Variants in GET4 observed in about 807,000 individuals in gnomAD.
The protein encoded by GET4 is guided entry of tail-anchored proteins factor 4.
GET4 carries 20 observed loss-of-function variants against 40.0 expected under a neutral mutation model. That is an observed-to-expected ratio of 0.50 (90% CI 0.35 to 0.73). GET4 has a LOEUF of 0.73. GET4 is among the 30% of genes least tolerant of loss of function. The pLI is 0.01. For missense variants in GET4, 557 were observed against 454.0 expected (o/e 1.23, Z -2.06); for synonymous variants, 280 against 194.6 (o/e 1.44, Z -3.65).
Position 886,005 on chromosome 7 carries a change from C to T in GET4, c.156-51C>T, listed in dbSNP as rs553453455. 13 of 1,046,510 alleles carry T rather than the reference C, an allele frequency of 1.2e-5. 1 individual carries two copies. Among genetic ancestry groups the T allele is most frequent in the Middle Eastern group, 2.0e-4 (1 of 4,926 alleles). 64.8% of individuals were successfully genotyped at this position (1,046,510 alleles called of 1,614,324 possible). ...TCTGACCTGAAGATGAGCGGGGGAG[C>T]GCGGTGGCGAGGGCACGTGGGCGTG... On this transcript the variant is annotated intron_variant, in intron 1 of 8. Coordinates refer to ENST00000265857, the MANE Select transcript of GET4 (RefSeq NM_015949.3).
intron 6 of GET4, 50 bp downstream of exon 6, chr7:892,468 T>G: frequency 6.4e-7 from 1 of 1,566,814 alleles, no homozygotes; most frequent in Non-Finnish European, 8.7e-7. Context: ...GTGCGGGTTG[T>G]GTGTAGACGT....
At chr7:885,997 C>A in intron 1 of GET4, 59 bp from the exon 2 acceptor site, 1 of 995,302 alleles carries the variant, frequency 1.0e-6, no homozygotes, top group Non-Finnish European at 1.6e-6. Flanking sequence ...TGAAGATGAG[C>A]GGGGGAGCGC....
intron 8 of GET4, among the ~76,000 whole-genome samples, chr7:894,486 C>T (rs1248378161): frequency 2.0e-5 from 3 of 152,080 alleles, no homozygotes; most frequent in South Asian, 2.1e-4. Context: ...AGGTGGTGAC[C>T]TCTCCCCACA....
chr7:895,134 G>A (rs911582772), intron 8 of GET4, among the ~76,000 whole-genome samples, 200 bp from the exon 9 acceptor site: 3 of 151,562 alleles, frequency 2.0e-5, no homozygotes, highest in African/African-American at 7.3e-5. Context: ...CTCCATGTTT[G>A]AGTATCTCTG....
At chr7:877,135 C>A (rs1843973073) in intron 1 of GET4, among the ~76,000 whole-genome samples, 1 of 151,678 alleles carries the variant, frequency 6.6e-6, no homozygotes, top group African/African-American at 2.4e-5. Flanking sequence ...GTCTCCTCGG[C>A]CGCCTCCCGC....
At chr7:881,475 G>C (rs954160319) in intron 1 of GET4, 3 of 152,148 alleles carry the variant, frequency 2.0e-5, no homozygotes, top group African/African-American at 7.2e-5. Context: ...CATTCACCAC[G>C]GAGGCTGGGA....
Position 895,685 on chromosome 7 carries a change from C to T in GET4, c.*263C>T, listed in dbSNP as rs934845977. 7 of 296,528 alleles carry T rather than the reference C, an allele frequency of 2.4e-5. No individual in the cohort carries two copies. Among genetic ancestry groups the T allele is most frequent in the South Asian group, 2.2e-4 (3 of 13,486 alleles). 18.4% of individuals were successfully genotyped at this position (296,528 alleles called of 1,614,324 possible). A position where few individuals can be genotyped will look rare whatever the true frequency, so the allele number is the denominator to read the frequency against. ...ACCCACAATAAAGCACAGGCCTTAC[C>T]GCGGCGTCACCCTCTCCCACTCCTT... On this transcript the variant is annotated 3_prime_UTR_variant, in exon 9 of 9. Coordinates refer to ENST00000265857, the MANE Select transcript of GET4 (RefSeq NM_015949.3).
chr7:892,892 G>A (rs960486287), intron 6 of GET4, among the ~76,000 whole-genome samples: 5 of 151,700 alleles, frequency 3.3e-5, no homozygotes, highest in South Asian at 2.1e-4. Context: ...GTGTAGACGT[G>A]TGGGTAGCTG....
At chr7:887,717 G>T (rs901755399) in intron 4 of GET4, among the ~76,000 whole-genome samples, 198 bp downstream of exon 4, 5 of 152,224 alleles carry the variant, frequency 3.3e-5, no homozygotes, top group Admixed American at 6.5e-5. Context: ...GCTGCGAGAA[G>T]GGGGGCAGGC....
At chr7:890,892 G>C (rs754501257) in intron 4 of GET4, 36 bp from the exon 5 acceptor site, 2 of 1,505,964 alleles carry the variant, frequency 1.3e-6, no homozygotes, top group South Asian at 1.1e-5. Flanking sequence ...TTATATTCGT[G>C]AAATGTATTT....
intron 1 of GET4, 29 bp downstream of exon 1, chr7:876,829 C>T (rs1221747106): frequency 6.3e-6 from 7 of 1,115,142 alleles, no homozygotes; most frequent in Non-Finnish European, 7.8e-6. Flanking sequence ...CGCCGCAGCC[C>T]AGCGCCCGCC....
Position 895,566 on chromosome 7 carries a change from C to T in GET4, c.*144C>T, listed in dbSNP as rs368297775. The stretch of plus-strand genomic sequence containing the variant: ...ATGCCGGCGCGTGTCTGTTTCTGTG[C>T]GGCGGCTCAGGGTGGCGCGGCTGCT... On this transcript the variant is annotated 3_prime_UTR_variant, in exon 9 of 9. Coordinates refer to ENST00000265857, the MANE Select transcript of GET4 (RefSeq NM_015949.3). The T allele has an allele frequency of 1.1e-4, 59 of 518,626 alleles. No individual in the cohort carries two copies. The highest frequency in any genetic ancestry group is 5.1e-4 in the Middle Eastern group (1 of 1,958). 32.1% of individuals were successfully genotyped at this position (518,626 alleles called of 1,614,324 possible). A position where few individuals can be genotyped will look rare whatever the true frequency, so the allele number is the denominator to read the frequency against.
intron 6 of GET4, among the ~76,000 whole-genome samples, chr7:893,293 GGCGCGGGCGCGGTGGTGTGT>G (rs1844378351): frequency 1.5e-5 from 2 of 135,196 alleles, no homozygotes; most frequent in African/African-American, 5.7e-5. Context: ...GTGAGTGTTG[GGCGCGGGCGCGGTGGTGTGT>G]GCAGGTGAGT....
intron 4 of GET4, 34 bp from the exon 5 acceptor site, chr7:890,894 A>G: frequency 6.6e-7 from 1 of 1,522,724 alleles, no homozygotes; most frequent in East Asian, 2.3e-5. Context: ...ATATTCGTGA[A>G]ATGTATTTAC....
chr7:895,079 G>A (rs568585831), intron 8 of GET4, among the ~76,000 whole-genome samples: 13 of 151,350 alleles, frequency 8.6e-5, no homozygotes, highest in African/African-American at 1.2e-4. Flanking sequence ...CCATGGCCCC[G>A]TTGGTGGACG....
chr7:890,589 C>T (rs1179949403), intron 4 of GET4, among the ~76,000 whole-genome samples: 2 of 152,088 alleles, frequency 1.3e-5, no homozygotes, highest in South Asian at 2.1e-4. Flanking sequence ...ATATTGCGCC[C>T]TGTAAGTTGC....
chr7:884,011 GGGCCGTGACCATC>G, intron 1 of GET4: 1 of 1,138,732 alleles, frequency 8.8e-7, no homozygotes, highest in Non-Finnish European at 1.1e-6. Context: ...ACCAGGCCGG[GGGCCGTGACCATC>G]GGCAGTGCCC....
At position 876,762 on chromosome 7, in the gene GET4, C is replaced by G; in HGVS notation, c.117C>G (p.Tyr39Ter). The change falls in exon 1 of 9, where the codon TAC becomes TAG. Residue 39 changes from tyrosine to a stop codon, truncating the protein, a stop_gained. Transcript: ENST00000265857. LOFTEE classifies it high-confidence loss of function. Reference sequence around the variant, plus strand: ...GCGCCAGCGTCGAGAAGGGCGACTACTACGAGGCGCACCAGATGTACCGGA... The same window carrying G: ...GCGCCAGCGTCGAGAAGGGCGACTAGTACGAGGCGCACCAGATGTACCGGA... The part of the protein sequence containing the change: ...KLRASVEKGD[Y>*]YEAHQMYRTL... The G allele has an allele frequency of 7.4e-7, 1 of 1,354,948 alleles. No homozygotes were observed. Among genetic ancestry groups the G allele is most frequent in the South Asian group, 1.6e-5 (1 of 63,536 alleles). 83.9% of individuals were successfully genotyped at this position (1,354,948 alleles called of 1,614,324 possible).
chr7:893,203 G>A (rs1237502099), intron 6 of GET4, among the ~76,000 whole-genome samples: 1 of 147,128 alleles, frequency 6.8e-6, no homozygotes, highest in Non-Finnish European at 1.5e-5. Flanking sequence ...GGGCGCGGTG[G>A]TGTGTGCAGG....
Sources: gnomAD v4.1 joint callset for allele counts (sites outside exome capture counted in the v4.1 genomes callset) on GRCh38, gnomAD v4.1.1 for gene constraint, MANE v1.5 for transcripts, NCBI Gene and HGNC (gene_info 2026-07-23, HGNC 2026-07-21) for gene names.